The following ROGDI variants were observed in gnomAD, a reference collection of about 807,000 sequenced individuals.
ROGDI encodes the protein rogdi atypical leucine zipper.
Under a neutral mutation model 43.1 loss-of-function variants are expected in ROGDI, and 46 were observed. The ratio of observed to expected loss-of-function variants is 1.07; its 90% confidence interval spans 0.84 to 1.37. ROGDI has a LOEUF of 1.37. Ranked by LOEUF, ROGDI falls within the 40% of genes most tolerant of loss-of-function variation. The pLI is 0.00. For missense variants in ROGDI, 518 were observed against 383.9 expected, an observed-to-expected ratio of 1.35 and a Z score of -2.92; for synonymous variants, 243 against 162.0, an observed-to-expected ratio of 1.50 and a Z score of -3.80.
intron 5 of ROGDI, 86 bp from the exon 6 acceptor site, chr16:4,799,867 C>G: frequency 1.1e-6 from 1 of 910,396 alleles, no homozygotes; most frequent in Non-Finnish European, 1.7e-6. Context: ...TGCCCCACGT[C>G]ATTCCACTCT....
chr16:4,799,029 C>T (rs2082687709), intron 6 of ROGDI, among the ~76,000 whole-genome samples: 1 of 151,962 alleles, frequency 6.6e-6, no homozygotes, highest in African/African-American at 2.4e-5. Flanking sequence ...CTGGAAGAGG[C>T]GATGGATGAC....
chr16:4,798,902 C>G (rs1003880825), intron 6 of ROGDI: 21 of 543,544 alleles, frequency 3.9e-5, no homozygotes, highest in Non-Finnish European at 6.4e-5. Context: ...CACGGGGATC[C>G]TGGGTGCTGG....
chr16:4,799,442 C>A (rs1567600375), intron 6 of ROGDI, among the ~76,000 whole-genome samples: 2 of 152,134 alleles, frequency 1.3e-5, no homozygotes, highest in African/African-American at 2.4e-5. Context: ...AAGGCTTTCA[C>A]TGCTGCTACC....
chr16:4,798,386 A>G (rs886519482), intron 7 of ROGDI, 183 bp downstream of exon 7: 1 of 700,784 alleles, frequency 1.4e-6, no homozygotes, highest in Non-Finnish European at 2.4e-6. Context: ...CACTAACCCG[A>G]AACAGGGTTA....
At position 4,797,964 on chromosome 16, in the gene ROGDI, C is replaced by T. The variant is rs143402543; in HGVS notation, c.669G>A (p.Ala223=). 88 of 1,605,760 alleles carry T rather than the reference C, an allele frequency of 5.5e-5. No individual in the cohort carries two copies. In the Middle Eastern group the frequency reaches 6.6e-4, roughly 12 times the overall value. Residue 223 remains alanine, a synonymous_variant, in exon 9 of 11, where the codon GCG becomes GCA. Transcript: ENST00000322048. ...STKNFRPAGG[A]VLHSPGAMFE... ...ACATGGCCCCAGGGCTATGCAGCACCGCGCCCCCAGCTGGGCGGAAGTTCT... is the reference window on the plus strand; with the variant it reads ...ACATGGCCCCAGGGCTATGCAGCACTGCGCCCCCAGCTGGGCGGAAGTTCT...
chr16:4,799,792 G>T lies in ROGDI; in HGVS notation c.337-11C>A, dbSNP rs1042517485. The T allele has an allele frequency of 1.9e-6, 3 of 1,604,502 alleles. No individual in the cohort carries two copies. The highest frequency in any genetic ancestry group is 2.7e-5 in the African/African-American group (2 of 74,678). On this transcript the variant is annotated splice_polypyrimidine_tract_variant and intron_variant, in intron 5 of 10. Transcript: ENST00000322048. ...TCTGGCATCCTGGATCTGGAAGCAGGGGTCATCCAGAGGGGTCACGCCAGC... is the reference window on the plus strand; with the variant it reads ...TCTGGCATCCTGGATCTGGAAGCAGTGGTCATCCAGAGGGGTCACGCCAGC...
chr16:4,802,458 G>C lies in ROGDI; in HGVS notation c.46-5C>G, dbSNP rs540065993. 8 of 1,294,656 alleles carry C rather than the reference G, an allele frequency of 6.2e-6. No individual in the cohort carries two copies. The African/African-American group carries it at 9.3e-5, about 15-fold the overall frequency. 80.2% of individuals were successfully genotyped at this position (1,294,656 alleles called of 1,614,324 possible). Reference sequence around the variant, plus strand: ...CAGCCAGCGGAACTCCTCCTCCTGCGGGACAGACCCGGCGGTCGCGCCCGG... The same window carrying C: ...CAGCCAGCGGAACTCCTCCTCCTGCCGGACAGACCCGGCGGTCGCGCCCGG... On this transcript the variant is annotated splice_polypyrimidine_tract_variant and splice_region_variant and intron_variant, in intron 1 of 10. Coordinates refer to ENST00000322048, the MANE Select transcript of ROGDI (RefSeq NM_024589.3).
chr16:4,800,279 G>T (rs561434268), intron 5 of ROGDI, among the ~76,000 whole-genome samples: 10 of 152,280 alleles, frequency 6.6e-5, no homozygotes, highest in African/African-American at 2.4e-4. Context: ...TCCCGATGTG[G>T]CCCTCGGGGC....
At chr16:4,800,605 G>C (rs999207503) in intron 4 of ROGDI, 27 bp from the exon 5 acceptor site, 12 of 1,527,298 alleles carry the variant, frequency 7.9e-6, no homozygotes, top group Non-Finnish European at 1.1e-5. Flanking sequence ...GGGTGAGCTG[G>C]GCAGTGGGGG....
rs769507764 is a variant in ROGDI at position 4,802,353 on chromosome 16, GC to G, written c.117+28del. ...GGAAATGAGGAGGGAGGGCCGCCAC[GC>G]CCGGCGGGGCAGGGCGCGGGTCGTT... is the stretch of plus-strand genomic sequence containing the variant. On this transcript the variant is annotated intron_variant, in intron 2 of 10. Transcript: ENST00000322048. 79 of 1,544,182 alleles carry G rather than the reference GC, an allele frequency of 5.1e-5. No individual in the cohort carries two copies. The African/African-American group carries it at 1.0e-3, about 20-fold the overall frequency.
intron 7 of ROGDI, 30 bp from the exon 8 acceptor site, chr16:4,798,214 G>C (rs1167946988): frequency 6.4e-7 from 1 of 1,572,956 alleles, no homozygotes; most frequent in Non-Finnish European, 8.7e-7. Flanking sequence ...TGAGGCCCTC[G>C]CAAGCCCCCA....
rs114167564 is a variant in ROGDI, at chr16:4,798,213, C to T, written c.532-29G>A. 1.0e-3 allele frequency: 1,652 copies of T among 1,576,244 alleles called. 21 individuals carry two copies. The African/African-American group carries it at 0.02, about 19-fold the overall frequency. ...CGGGAGGCAGGTGGGATGAGGCCCT[C>T]GCAAGCCCCCAGCCCAGGCTGGATG... On this transcript the variant is annotated intron_variant, in intron 7 of 10. Coordinates refer to ENST00000322048, the MANE Select transcript of ROGDI (RefSeq NM_024589.3).
rs200558978 is a variant in ROGDI at position 4,797,700 on chromosome 16, C to A, written c.822+14G>T. ...AAGTCCTTCCCCTAATGAAGGCGCTCGGCCCGGGCCCACCTTGTCCTTGAG... is the reference window on the plus strand; with the variant it reads ...AAGTCCTTCCCCTAATGAAGGCGCTAGGCCCGGGCCCACCTTGTCCTTGAG... On this transcript the variant is annotated intron_variant, in intron 10 of 10. Transcript: ENST00000322048. 1.9e-6 allele frequency: 3 copies of A among 1,613,934 alleles called. No individual in the cohort carries two copies. Among genetic ancestry groups the A allele is most frequent in the Non-Finnish European group, 2.5e-6 (3 of 1,179,900 alleles).
chr16:4,801,078 T>C, intron 4 of ROGDI, 189 bp downstream of exon 4: 1 of 553,512 alleles, frequency 1.8e-6, no homozygotes, highest in Non-Finnish European at 3.2e-6. Flanking sequence ...CTCCTGCACC[T>C]CTTACTGAAT....
chr16:4,798,940 G>A (rs772515002), intron 6 of ROGDI: 4 of 506,024 alleles, frequency 7.9e-6, no homozygotes, highest in Non-Finnish European at 1.4e-5. Flanking sequence ...GGTCCTGGGA[G>A]GTCAGTCCCA....
At chr16:4,802,213 T>G in intron 2 of ROGDI, 169 bp downstream of exon 2, 1 of 676,576 alleles carries the variant, frequency 1.5e-6, no homozygotes, top group Non-Finnish European at 2.6e-6. Context: ...CGCACACAGG[T>G]ACTTATATAA....
chr16:4,801,100 T>G, intron 4 of ROGDI, 167 bp downstream of exon 4: 1 of 574,630 alleles, frequency 1.7e-6, no homozygotes, highest in Non-Finnish European at 3.0e-6. Context: ...TGCACACCGA[T>G]CCCGGGAGAA....
At chr16:4,800,273 G>C (rs541702453) in intron 5 of ROGDI, among the ~76,000 whole-genome samples, 8 of 152,278 alleles carry the variant, frequency 5.3e-5, no homozygotes, top group East Asian at 1.9e-4. Flanking sequence ...CCACAGTCCC[G>C]ATGTGGCCCT....
At chr16:4,802,287 A>G in intron 2 of ROGDI, 95 bp downstream of exon 2, 1 of 1,149,708 alleles carries the variant, frequency 8.7e-7, no homozygotes, top group Non-Finnish European at 1.2e-6. Flanking sequence ...CGCACACTGT[A>G]GGCGCTCAGG....
Sources: allele counts gnomAD v4.1 joint callset (sites outside exome capture counted in the v4.1 genomes callset), GRCh38; gene constraint gnomAD v4.1.1; transcripts MANE v1.5; gene names NCBI Gene and HGNC (gene_info 2026-07-23, HGNC 2026-07-21).